The following DPP10 variants were observed in gnomAD, a reference collection of about 807,000 sequenced individuals.
DPP10 encodes the protein dipeptidyl peptidase like 10.
DPP10 carries 33 observed loss-of-function variants against 120.9 expected under a neutral mutation model. The ratio of observed to expected loss-of-function variants is 0.27; its 90% CI spans 0.21 to 0.37. The LOEUF is 0.37. Among genes scored for constraint, DPP10 ranks in the 10% least tolerant of loss-of-function variants. DPP10 has a pLI of 1.00. For missense variants in DPP10, 816 were observed against 942.8 expected, an observed-to-expected ratio of 0.87 and a Z score of 1.76; for synonymous variants, 337 against 326.1, an observed-to-expected ratio of 1.03 and a Z score of -0.36.
chr2:114,969,421 C>G (rs970551889), intron 1 of DPP10, among the ~76,000 whole-genome samples: 6 of 152,122 alleles, frequency 3.9e-5, no homozygotes, highest in African/African-American at 1.4e-4. Flanking sequence ...CTAAATTATA[C>G]AGAGATTATA....
intron 1 of DPP10, among the ~76,000 whole-genome samples, chr2:114,520,974 G>A (rs1194200573): frequency 2.0e-5 from 3 of 152,054 alleles, no homozygotes; most frequent in African/African-American, 2.4e-5. Flanking sequence ...TTCTGTCCCC[G>A]ATTCTTGGGC....
At position 114,834,993 on chromosome 2, in the gene DPP10, T is replaced by C. The variant is rs1424961402; in HGVS notation, c.60+392155T>C. Among the ~76,000 whole-genome samples the C allele has an allele frequency of 3.3e-5, 5 of 150,312 alleles. 1 individual carries two copies. The highest frequency in any genetic ancestry group is 1.2e-4 in the African/African-American group (5 of 40,194). Reference sequence around the variant, plus strand: ...CACCTATGTATATAAAAGACATATCTACACACCTATGTATATAAAAGACAT... The same window carrying C: ...CACCTATGTATATAAAAGACATATCCACACACCTATGTATATAAAAGACAT... On this transcript the variant is annotated intron_variant, in intron 1 of 25. Coordinates refer to ENST00000410059, the MANE Select transcript of DPP10 (RefSeq NM_020868.6).
chr2:115,283,971 A>G (rs1375279766), intron 1 of DPP10, among the ~76,000 whole-genome samples: 1 of 151,986 alleles, frequency 6.6e-6, no homozygotes, highest in Non-Finnish European at 1.5e-5. Context: ...GTGTAAGTGT[A>G]CTCTATGATG....
chr2:115,619,821 T>C (rs1171597478), intron 5 of DPP10, among the ~76,000 whole-genome samples: 1 of 152,228 alleles, frequency 6.6e-6, no homozygotes, highest in African/African-American at 2.4e-5. Flanking sequence ...ACTTTATTTC[T>C]GAACAGTGGA....
At chr2:115,507,445 G>A (rs1355831312) in intron 4 of DPP10, among the ~76,000 whole-genome samples, 1 of 152,010 alleles carries the variant, frequency 6.6e-6, no homozygotes, top group African/African-American at 2.4e-5. Context: ...AATAACATAG[G>A]GTGAGGTCTA....
intron 1 of DPP10, among the ~76,000 whole-genome samples, chr2:114,883,338 C>G (rs1311639550): frequency 6.6e-6 from 1 of 152,170 alleles, no homozygotes; most frequent in Non-Finnish European, 1.5e-5. Flanking sequence ...ACTCGGGACT[C>G]AACAAGTGTT....
At chr2:115,755,498 A>T (rs1679279254) in intron 11 of DPP10, among the ~76,000 whole-genome samples, 1 of 152,116 alleles carries the variant, frequency 6.6e-6, no homozygotes, top group South Asian at 2.1e-4. Context: ...ATCTCTCACC[A>T]TATACAAAAT....
intron 4 of DPP10, among the ~76,000 whole-genome samples, chr2:115,514,678 C>T (rs2077407062): frequency 6.6e-6 from 1 of 151,792 alleles, no homozygotes; most frequent in Non-Finnish European, 1.5e-5. Context: ...CTTTCAGTCA[C>T]ACTATCCACA....
intron 1 of DPP10, among the ~76,000 whole-genome samples, chr2:114,676,852 CT>C (rs1306858502): frequency 2.6e-5 from 4 of 152,134 alleles, no homozygotes; most frequent in Admixed American, 2.6e-4. Context: ...GCCCTTATAA[CT>C]TCCCCATAAT....
rs189697708 is a variant in DPP10, at chr2:114,994,063, T to C, written c.61-315176T>C. Among the ~76,000 whole-genome samples, 21 of 152,326 alleles carry C rather than the reference T, an allele frequency of 1.4e-4. No individual in the cohort carries two copies. The East Asian group carries it at 3.5e-3, about 25-fold the overall frequency. ...TCAACTTTATTTTCAAACAGTGACT[T>C]CGTTTTCAATAAACCAAGCTAGAAA... On this transcript the variant is annotated intron_variant, in intron 1 of 25. Transcript: ENST00000410059.
intron 4 of DPP10, among the ~76,000 whole-genome samples, chr2:115,517,643 T>C (rs2077574524): frequency 6.6e-6 from 1 of 152,220 alleles, no homozygotes; most frequent in Non-Finnish European, 1.5e-5. Context: ...ATTTATTGTT[T>C]ATCTTACATT....
intron 3 of DPP10, among the ~76,000 whole-genome samples, chr2:115,441,236 T>C (rs2072017003): frequency 6.6e-6 from 1 of 152,116 alleles, no homozygotes; most frequent in African/African-American, 2.4e-5. Context: ...TAGATAAATA[T>C]AATGTAAAGA....
intron 7 of DPP10, among the ~76,000 whole-genome samples, chr2:115,710,253 A>C (rs2092272544): frequency 6.6e-6 from 1 of 152,294 alleles, no homozygotes; most frequent in South Asian, 2.1e-4. Flanking sequence ...TAAGTATATG[A>C]GTAAACATAA....
At chr2:115,330,719 A>G (rs146710714) in intron 2 of DPP10, among the ~76,000 whole-genome samples, 113,952 of 151,622 alleles carry the variant, frequency 0.75, 43,435 homozygotes, top group Non-Finnish European at 0.81. Flanking sequence ...TGTTTTTCTC[A>G]GGTTTGTCAA....
chr2:115,481,534 C>G (rs1330130607), intron 3 of DPP10, among the ~76,000 whole-genome samples: 2 of 151,946 alleles, frequency 1.3e-5, no homozygotes. Flanking sequence ...TTCAATGAGG[C>G]TTTTTTGATG....
At chr2:115,512,713 C>T (rs1412818797) in intron 4 of DPP10, among the ~76,000 whole-genome samples, 8 of 151,930 alleles carry the variant, frequency 5.3e-5, no homozygotes, top group Admixed American at 3.3e-4. Context: ...AATTGCCTTC[C>T]ATTATTGATT....
At chr2:115,254,856 C>G (rs900128838) in intron 1 of DPP10, among the ~76,000 whole-genome samples, 2 of 152,218 alleles carry the variant, frequency 1.3e-5, no homozygotes, top group Non-Finnish European at 2.9e-5. Context: ...CAGCATTTGG[C>G]CGCTCCATCC....
chr2:114,514,199 T>C (rs970993471), intron 1 of DPP10, among the ~76,000 whole-genome samples: 2 of 152,222 alleles, frequency 1.3e-5, no homozygotes, highest in African/African-American at 4.8e-5. Flanking sequence ...AAAGCACTTG[T>C]AGCTAACACA....
rs145442339 is a variant in DPP10, at chr2:114,865,973, G to A, written c.60+423135G>A. ...ACTAAAAATACAAAATTAGCCGGGC[G>A]TGGTCGTGCATGCCTATAAACCCAG... On this transcript the variant is annotated intron_variant, in intron 1 of 25. Coordinates refer to ENST00000410059, the MANE Select transcript of DPP10 (RefSeq NM_020868.6). Among the ~76,000 whole-genome samples the A allele has an allele frequency of 8.4e-3, 1,282 of 152,086 alleles. 20 individuals carry two copies. The highest frequency in any genetic ancestry group is 0.03 in the African/African-American group (1,227 of 41,478).
Sources: gnomAD v4.1 joint callset for allele counts (sites outside exome capture counted in the v4.1 genomes callset) on GRCh38, gnomAD v4.1.1 for gene constraint, MANE v1.5 for transcripts, NCBI Gene and HGNC (gene_info 2026-07-23, HGNC 2026-07-21) for gene names.